The following AKAP9 variants were observed in gnomAD, a reference collection of about 807,000 sequenced individuals.
The protein encoded by AKAP9 is A-kinase anchoring protein 9, also known as A-kinase anchor protein 9.
AKAP9 carries 311 observed loss-of-function variants against 488.5 expected under a neutral mutation model. The observed-to-expected ratio is 0.64, with a 90% CI of 0.58 to 0.70. AKAP9 has a LOEUF of 0.70. AKAP9 is among the 30% of genes least tolerant of loss of function. The pLI, the probability that AKAP9 is intolerant of heterozygous loss-of-function variation, is 0.00. For synonymous variants in AKAP9, 1,462 were observed against 1,483.5 expected (o/e 0.99, Z 0.33); for missense variants, 4,215 against 4,374.5 (o/e 0.96, Z 1.03).
At chr7:92,081,713 T>C (rs1218198747) in intron 31 of AKAP9, among the ~76,000 whole-genome samples, 1 of 151,940 alleles carries the variant, frequency 6.6e-6, no homozygotes, top group African/African-American at 2.4e-5. Flanking sequence ...AGTTTACTTA[T>C]GAGAAGATCT....
rs111408929 is a variant in AKAP9, at chr7:91,991,747, A to G, written c.352-411A>G. Among the ~76,000 whole-genome samples the G allele has an allele frequency of 6.9e-3, 1,047 of 152,340 alleles. 7 individuals carry two copies. The highest frequency in any genetic ancestry group is 0.01 in the Middle Eastern group (3 of 294). ...CAGCCTCCCAAAGTGCTGGGATTACAGGCGTGAGCCACCACACCCGACCTA... is the reference window on the plus strand; with the variant it reads ...CAGCCTCCCAAAGTGCTGGGATTACGGGCGTGAGCCACCACACCCGACCTA... On this transcript the variant is annotated intron_variant, in intron 3 of 49. Transcript: ENST00000356239.
intron 30 of AKAP9, among the ~76,000 whole-genome samples, chr7:92,078,184 G>T (rs1318868372): frequency 6.6e-6 from 1 of 152,010 alleles, no homozygotes; most frequent in African/African-American, 2.4e-5. Flanking sequence ...TTTTAATAGA[G>T]ATGGGGTTTC....
chr7:92,047,251 C>G (rs570511953), intron 21 of AKAP9, among the ~76,000 whole-genome samples: 1 of 151,846 alleles, frequency 6.6e-6, no homozygotes, highest in South Asian at 2.1e-4. Flanking sequence ...GAGTCTCGCT[C>G]TGTCACCTAG....
chr7:91,970,350 G>A (rs1322527682), intron 1 of AKAP9: 1 of 329,620 alleles, frequency 3.0e-6, no homozygotes, highest in African/African-American at 2.2e-5. Flanking sequence ...AGAGTTATGA[G>A]TGGGCGCTAC....
At chr7:91,954,483 G>C (rs993036744) in intron 1 of AKAP9, among the ~76,000 whole-genome samples, 3 of 152,194 alleles carry the variant, frequency 2.0e-5, no homozygotes, top group Non-Finnish European at 4.4e-5. Context: ...ACTATGTTGC[G>C]TAGGTTGGTC....
chr7:92,027,959 C>T (rs1403425777), intron 14 of AKAP9, among the ~76,000 whole-genome samples: 9 of 152,090 alleles, frequency 5.9e-5, no homozygotes, highest in Admixed American at 5.9e-4. Flanking sequence ...AAAAATTCTT[C>T]TGCCTTGGGA....
intron 1 of AKAP9, among the ~76,000 whole-genome samples, chr7:91,955,913 G>A (rs1489086966): frequency 1.3e-5 from 2 of 152,102 alleles, no homozygotes; most frequent in African/African-American, 4.8e-5. Context: ...GATTACAGGT[G>A]TGAGCCACTG....
chr7:92,082,476 T>TG, intron 31 of AKAP9, 46 bp from the exon 32 acceptor site: 6 of 1,587,538 alleles, frequency 3.8e-6, no homozygotes, highest in Non-Finnish European at 5.2e-6. Context: ...AATTTAGCTA[T>TG]ATTTTTTTTA....
chr7:91,965,264 A>G (rs1794300252), intron 1 of AKAP9, among the ~76,000 whole-genome samples: 2 of 152,242 alleles, frequency 1.3e-5, no homozygotes, highest in Middle Eastern at 3.4e-3. Flanking sequence ...TTCAGCTCCC[A>G]TATATGAGTG....
chr7:91,980,382 T>A, intron 3 of AKAP9, 49 bp downstream of exon 3: 5 of 904,836 alleles, frequency 5.5e-6, no homozygotes, highest in Admixed American at 2.6e-5. Context: ...TATATTTATA[T>A]TATTATTGAA....
In AKAP9 at chr7:92,022,833, G is replaced by C. The variant is rs1802517401; in HGVS notation, c.3972G>C (p.Lys1324Asn). ...LEDIDVNHKS[K>N]LSSLQDLEKT... is the part of the protein sequence containing the mutation. Reference sequence around the variant, plus strand: ...ACATAGATGTCAATCATAAAAGCAAGTTATCTTCTCTGCAAGATCTTGAAA... The same window carrying C: ...ACATAGATGTCAATCATAAAAGCAACTTATCTTCTCTGCAAGATCTTGAAA... The change falls in exon 14 of 50, where the codon AAG becomes AAC. Residue 1324 changes from lysine (K) to asparagine (N), a missense_variant. Lys to Asn is a moderately conservative substitution (Grantham distance 94). This residue lies in a region of AKAP9 where 2,361 missense variants were observed against 2,430.0 expected (regional missense o/e 0.97). Transcript: ENST00000356239. 2 of 1,597,376 alleles carry C rather than the reference G, an allele frequency of 1.3e-6. No homozygotes were observed. Among genetic ancestry groups the C allele is most frequent in the East Asian group, 4.5e-5 (2 of 44,770 alleles).
chr7:91,971,140 T>C (rs902448511), intron 1 of AKAP9, among the ~76,000 whole-genome samples: 6 of 152,186 alleles, frequency 3.9e-5, no homozygotes, highest in Admixed American at 1.3e-4. Flanking sequence ...TTCGAGGTAA[T>C]TTTCTGTGTC....
chr7:92,097,205 C>T lies in AKAP9; in HGVS notation c.10246C>T (p.Gln3416Ter). The change falls in exon 41 of 50, where the codon CAG becomes TAG. Residue 3416 changes from glutamine (Q) to a stop codon, truncating the protein, a stop_gained. Transcript: ENST00000356239. LOFTEE classifies it high-confidence loss of function. ...HELQSKVEDLQRQLEEKRQQV... is the reference protein window; with the variant it reads ...HELQSKVEDL Reference sequence around the variant, plus strand: ...GCTCCAGTCCAAAGTGGAAGATCTTCAGCGCCAGCTGGAAGAGAAAAGACA... The same window carrying T: ...GCTCCAGTCCAAAGTGGAAGATCTTTAGCGCCAGCTGGAAGAGAAAAGACA... The T allele has an allele frequency of 1.9e-6, 3 of 1,612,848 alleles. No individual in the cohort carries two copies. The highest frequency in any genetic ancestry group is 2.5e-6 in the Non-Finnish European group (3 of 1,179,656).
chr7:92,045,440 C>T lies in AKAP9; in HGVS notation c.5368+227C>T, dbSNP rs1437882501. Among the ~76,000 whole-genome samples, 3 of 152,064 alleles carry T rather than the reference C, an allele frequency of 2.0e-5. No individual in the cohort carries two copies. In the East Asian group the frequency reaches 5.8e-4, roughly 29 times the overall value. On this transcript the variant is annotated intron_variant, in intron 21 of 49. Coordinates refer to ENST00000356239, the MANE Select transcript of AKAP9 (RefSeq NM_005751.5). ...TATTTACCCAGGGTTGCCACAGTGC[C>T]TACATAAACCAGAATGCTGTTACAT...
At chr7:91,947,179 T>C (rs937828664) in intron 1 of AKAP9, among the ~76,000 whole-genome samples, 41 of 149,786 alleles carry the variant, frequency 2.7e-4, no homozygotes, top group Non-Finnish European at 4.9e-4. Flanking sequence ...TGTGTGCGTG[T>C]GTGTGTGTGT....
intron 48 of AKAP9, chr7:92,107,978 C>A: frequency 5.7e-6 from 1 of 176,080 alleles, no homozygotes; most frequent in Non-Finnish European, 1.2e-5. Context: ...GAGGTCACGC[C>A]ACTGCACTCT....
intron 22 of AKAP9, among the ~76,000 whole-genome samples, chr7:92,058,784 A>G (rs1177843970): frequency 2.0e-5 from 3 of 152,016 alleles, no homozygotes; most frequent in South Asian, 2.1e-4. Flanking sequence ...TCATTGAGCA[A>G]TTAGGAAATG....
At position 92,001,188 on chromosome 7, in the gene AKAP9, A is replaced by C; in HGVS notation, c.1271A>C (p.Gln424Pro). The change falls in exon 8 of 50, where the codon CAA becomes CCA. Residue 424 changes from glutamine (Q) to proline (P), a missense_variant. By Grantham distance (76) the Gln-to-Pro change is moderately conservative. This residue lies in a region of AKAP9 where 2,361 missense variants were observed against 2,430.0 expected (regional missense o/e 0.97). Transcript: ENST00000356239. ...FETDIVQRME[Q>P]ETQRKLEQLR... ...ACTGATATAGTACAACGAATGGAAC[A>C]AGAAACACAAAGAAAGTTAGAACAA... is the stretch of plus-strand genomic sequence containing the variant. 1 of 1,614,068 alleles carries C rather than the reference A, an allele frequency of 6.2e-7. No individual in the cohort carries two copies.
At chr7:92,021,262 A>T (rs1802284199) in intron 12 of AKAP9, among the ~76,000 whole-genome samples, 2 of 151,954 alleles carry the variant, frequency 1.3e-5, no homozygotes, top group African/African-American at 4.8e-5. Context: ...CTAATTGTTT[A>T]TTTTCCCATC....
Sources: allele counts gnomAD v4.1 joint callset (sites outside exome capture counted in the v4.1 genomes callset), GRCh38; gene constraint gnomAD v4.1.1; regional missense constraint gnomAD v4.1.1; transcripts MANE v1.5; gene names NCBI Gene and HGNC (gene_info 2026-07-23, HGNC 2026-07-21).